SEPTIN7: variants seen among roughly 807,000 people sequenced by gnomAD.
SEPTIN7 encodes the protein septin 7.
Under a neutral mutation model 63.3 loss-of-function variants are expected in SEPTIN7, and 10 were observed. The observed-to-expected ratio is 0.16, with a 90% CI of 0.10 to 0.27. The LOEUF (loss-of-function observed/expected upper bound fraction) is 0.27, where lower values mean the gene tolerates loss of function less well. Ranked by LOEUF, SEPTIN7 falls within the 10% of genes least tolerant of loss-of-function variation. SEPTIN7 has a pLI of 1.00. For missense variants in SEPTIN7, 310 were observed against 521.0 expected (o/e 0.59, Z 3.94); for synonymous variants, 131 against 165.3 (o/e 0.79, Z 1.59).
intron 3 of SEPTIN7, among the ~76,000 whole-genome samples, chr7:35,843,391 C>T (rs1784506122): frequency 6.6e-6 from 1 of 152,154 alleles, no homozygotes; most frequent in South Asian, 2.1e-4. Context: ...TACCCTAATA[C>T]CCTGTTCTGG....
At chr7:35,807,479 C>G (rs1219353194) in intron 1 of SEPTIN7, among the ~76,000 whole-genome samples, 3 of 151,548 alleles carry the variant, frequency 2.0e-5, no homozygotes, top group Non-Finnish European at 2.9e-5. Flanking sequence ...ATTCTCCTGC[C>G]TCAGCCTCCT....
chr7:35,867,187 A>G (rs1347741207), intron 4 of SEPTIN7, among the ~76,000 whole-genome samples: 1 of 152,194 alleles, frequency 6.6e-6, no homozygotes, highest in African/African-American at 2.4e-5. Flanking sequence ...ATTGATGAAA[A>G]TGAAGTGAAA....
rs373530946 is a variant in SEPTIN7, at chr7:35,877,710, C to T, written c.513-2113C>T. Among the ~76,000 whole-genome samples the T allele has an allele frequency of 7.2e-5, 11 of 152,274 alleles. No homozygotes were observed. In the East Asian group the frequency reaches 1.2e-3, roughly 16 times the overall value. On this transcript the variant is annotated intron_variant, in intron 6 of 13. Transcript: ENST00000350320. ...GTTCTCATTTAGAATTACTAAAGGA[C>T]ATAACGAAAATCACAGCAGCTTACT...
intron 3 of SEPTIN7, among the ~76,000 whole-genome samples, chr7:35,860,290 T>C (rs968719866): frequency 2.6e-5 from 4 of 152,304 alleles, no homozygotes; most frequent in Admixed American, 6.5e-5. Flanking sequence ...GTAAATTACA[T>C]TATTATACAT....
At chr7:35,866,861 C>A (rs1785833834) in intron 4 of SEPTIN7, among the ~76,000 whole-genome samples, 1 of 152,190 alleles carries the variant, frequency 6.6e-6, no homozygotes, top group Non-Finnish European at 1.5e-5. Context: ...AACTTGAGCG[C>A]ACATCACAAT....
chr7:35,846,652 C>G (rs777006487), intron 3 of SEPTIN7: 7 of 153,074 alleles, frequency 4.6e-5, no homozygotes, highest in Non-Finnish European at 1.0e-4. Flanking sequence ...CACCCCCAAG[C>G]CTCAGACTTT....
At chr7:35,901,595 A>T (rs1422265128) in intron 12 of SEPTIN7, 1 of 152,136 alleles carries the variant, frequency 6.6e-6, no homozygotes, top group Non-Finnish European at 1.5e-5. Flanking sequence ...TGTGACCTGT[A>T]CCTTTATCTA....
At chr7:35,828,664 AC>A (rs1201771860) in intron 1 of SEPTIN7, among the ~76,000 whole-genome samples, 3 of 152,200 alleles carry the variant, frequency 2.0e-5, no homozygotes, top group African/African-American at 7.2e-5. Flanking sequence ...GGCATGAGCC[AC>A]CGTGCCCTGC....
chr7:35,907,673 A>G (rs998247765), downstream of SEPTIN7, among the ~76,000 whole-genome samples: 5 of 152,190 alleles, frequency 3.3e-5, no homozygotes, highest in African/African-American at 1.2e-4. Context: ...TTTCTGAAGC[A>G]TGATCTTCTA....
At chr7:35,901,469 G>A (rs1388871822) in intron 12 of SEPTIN7, 1 of 152,112 alleles carries the variant, frequency 6.6e-6, no homozygotes, top group African/African-American at 2.4e-5. Context: ...GATAGCCCAG[G>A]AGGTATTTTA....
At chr7:35,827,556 T>C (rs1481377543) in intron 1 of SEPTIN7, among the ~76,000 whole-genome samples, 5 of 152,144 alleles carry the variant, frequency 3.3e-5, no homozygotes, top group African/African-American at 1.2e-4. Flanking sequence ...AGTGGCGCGA[T>C]CTCCACTCAC....
intron 1 of SEPTIN7, among the ~76,000 whole-genome samples, chr7:35,805,760 ATGTT>A (rs946512553): frequency 1.3e-5 from 2 of 152,086 alleles, no homozygotes; most frequent in Non-Finnish European, 2.9e-5. Context: ...ATTTTATTCA[ATGTT>A]TGTTTGCTTT....
chr7:35,871,283 TAA>T (rs1156559742), intron 4 of SEPTIN7, among the ~76,000 whole-genome samples: 1 of 152,220 alleles, frequency 6.6e-6, no homozygotes, highest in Non-Finnish European at 1.5e-5. Flanking sequence ...TCAGTTTTAA[TAA>T]GTTTTATTCC....
At chr7:35,805,943 C>G (rs1272063567) in intron 1 of SEPTIN7, among the ~76,000 whole-genome samples, 1 of 152,148 alleles carries the variant, frequency 6.6e-6, no homozygotes, top group African/African-American at 2.4e-5. Flanking sequence ...CAGAGTTTCT[C>G]ATTTGAGGTT....
intron 3 of SEPTIN7, among the ~76,000 whole-genome samples, chr7:35,840,188 T>TCCCCCTTCCCCCTCCC (rs1784339966): frequency 1.6e-5 from 1 of 61,890 alleles, no homozygotes; most frequent in Admixed American, 2.4e-4. Flanking sequence ...CCCCTCCTCC[T>TCCCCCTTCCCCCTCCC]CCCCCTTCCC....
chr7:35,809,777 T>C (rs549800355), intron 1 of SEPTIN7, among the ~76,000 whole-genome samples: 2 of 152,318 alleles, frequency 1.3e-5, no homozygotes, highest in East Asian at 3.9e-4. Context: ...AAATCTTTAT[T>C]GAAGGCTTTA....
chr7:35,863,743 T>G (rs1443429921), intron 4 of SEPTIN7, 85 bp downstream of exon 4: 1 of 655,656 alleles, frequency 1.5e-6, no homozygotes, highest in African/African-American at 1.9e-5. Flanking sequence ...TTAGGCTTCC[T>G]TAGAGGTAAG....
At chr7:35,902,853 T>C (rs1583658563) in intron 12 of SEPTIN7, 2 of 444,124 alleles carry the variant, frequency 4.5e-6, no homozygotes, top group Admixed American at 4.8e-5. Flanking sequence ...TTTTTTTTTT[T>C]CCTGTTTCCC....
At chr7:35,909,549 T>G (rs1242773503), downstream of SEPTIN7, among the ~76,000 whole-genome samples, 3 of 152,132 alleles carry the variant, frequency 2.0e-5, no homozygotes, top group Non-Finnish European at 4.4e-5. Context: ...GTATTCAAAC[T>G]GGGAAAAATA....
Sources: allele counts gnomAD v4.1 joint callset (sites outside exome capture counted in the v4.1 genomes callset), GRCh38; gene constraint gnomAD v4.1.1; transcripts MANE v1.5; gene names NCBI Gene and HGNC (gene_info 2026-07-23, HGNC 2026-07-21).